The following TRMT2B variants were observed in gnomAD, a reference collection of about 807,000 sequenced individuals.
TRMT2B encodes tRNA methyltransferase 2B.
Under a neutral mutation model 39.7 loss-of-function variants are expected in TRMT2B, and 34 were observed. That is an observed-to-expected ratio of 0.86 (90% CI 0.65 to 1.14). The LOEUF is 1.14. TRMT2B is among the 50% of genes most tolerant of loss of function. The probability of loss-of-function intolerance (pLI) is 0.00; values close to 1 mark genes in which losing one functional copy is unlikely to be tolerated. For missense variants in TRMT2B, 318 were observed against 377.2 expected (o/e 0.84, Z 1.30); for synonymous variants, 132 against 137.3 (o/e 0.96, Z 0.27).
intron 3 of TRMT2B, 62 bp from the exon 4 acceptor site, chrX:101,041,433 G>A: frequency 9.7e-7 from 1 of 1,036,040 alleles, no homozygotes; most frequent in Non-Finnish European, 1.3e-6. Context: ...TGCCTACTAT[G>A]CATAAGTACT....
downstream of TRMT2B, among the ~76,000 whole-genome samples, chrX:101,006,718 C>T (rs1207682849): frequency 2.7e-5 from 3 of 109,506 alleles, no homozygotes; most frequent in African/African-American, 1.0e-4. Context: ...TAGGAGGATC[C>T]CTTGAGCCCC....
chrX:100,993,245 C>T, the TRMT2B span, among the ~76,000 whole-genome samples: 1 of 112,008 alleles, frequency 8.9e-6, no homozygotes, highest in Non-Finnish European at 1.9e-5. Context: ...AAATCCAGAT[C>T]TCATGTGCCC....
chrX:100,979,620 T>C, the TRMT2B span, among the ~76,000 whole-genome samples: 11 of 111,822 alleles, frequency 9.8e-5, no homozygotes, highest in Non-Finnish European at 2.1e-4. Flanking sequence ...ATTATTTAGC[T>C]CTTTTAGTGA....
At chrX:101,025,504 CA>C (rs2087021463) in intron 7 of TRMT2B, among the ~76,000 whole-genome samples, 1 of 111,622 alleles carries the variant, frequency 9.0e-6, no homozygotes, top group African/African-American at 3.3e-5. Context: ...AAACAAACCA[CA>C]AATTATGTAG....
chrX:101,015,857 G>A (rs759821553), intron 13 of TRMT2B, among the ~76,000 whole-genome samples: 114 of 111,229 alleles, frequency 1.0e-3, no homozygotes, highest in Non-Finnish European at 1.3e-3. Flanking sequence ...ATCATCTGAC[G>A]TCAGGAGTTT....
chrX:100,998,259 C>CA, the TRMT2B span, among the ~76,000 whole-genome samples: 11,707 of 48,417 alleles, frequency 0.24, 1,167 homozygotes, highest in African/African-American at 0.32. Flanking sequence ...GACTCCATCT[C>CA]AAAAAAAAAA....
At chrX:100,987,436 C>T in the TRMT2B span, 2 of 1,211,082 alleles carry the variant, frequency 1.7e-6, no homozygotes, top group East Asian at 3.0e-5. Flanking sequence ...AACCATCAGC[C>T]CATAGTTGAA....
the TRMT2B span, among the ~76,000 whole-genome samples, chrX:100,999,596 G>A: frequency 8.9e-6 from 1 of 112,031 alleles, no homozygotes; most frequent in Admixed American, 9.5e-5. Context: ...GGGAATCACC[G>A]GGGAAATTTT....
At chrX:101,045,040 A>AG (rs1309619935) in intron 2 of TRMT2B, among the ~76,000 whole-genome samples, 37 of 90,750 alleles carry the variant, frequency 4.1e-4, no homozygotes, top group African/African-American at 1.1e-3. Flanking sequence ...CAAAAAAAAA[A>AG]GGGGGGGGTG....
chrX:101,023,514 G>A lies in TRMT2B; in HGVS notation c.712C>T (p.His238Tyr), dbSNP rs2086897341. The part of the protein sequence containing the change: ...ELTVRTNSQG[H>Y]TMAIITFHPQ... Reference sequence around the variant, plus strand: ...TGGAAAGTGATGATAGCCATTGTGTGCCCTTGGCTATTGGTGCGGACTGTG... The same window carrying A: ...TGGAAAGTGATGATAGCCATTGTGTACCCTTGGCTATTGGTGCGGACTGTG... The change falls in exon 8 of 14, where the codon CAC becomes TAC. Residue 238 changes from histidine (H) to tyrosine (Y), a missense_variant. Physicochemically the swap from His to Tyr is moderately conservative, Grantham distance 83. Coordinates refer to ENST00000372936, the MANE Select transcript of TRMT2B (RefSeq NM_024917.6). The A allele has an allele frequency of 8.3e-7, 1 of 1,208,227 alleles. No individual in the cohort carries two copies. Among genetic ancestry groups the A allele is most frequent in the Admixed American group, 2.2e-5 (1 of 45,656 alleles).
Position 101,051,320 on chromosome X carries a change from C to G in TRMT2B, c.-93G>C. 1 of 754,260 alleles carries G rather than the reference C, an allele frequency of 1.3e-6. No homozygotes were observed. 62.2% of individuals were successfully genotyped at this position (754,260 alleles called of 1,213,427 possible). On this transcript the variant is annotated 5_prime_UTR_variant, in exon 2 of 14. Coordinates refer to ENST00000372936, the MANE Select transcript of TRMT2B (RefSeq NM_024917.6). ...CCGACAAGGGTCCTGCTTGCACTCT[C>G]TGCTCACCCTTCCTTCAGCTGGACC...
chrX:101,012,518 T>C (rs1027993253), intron 13 of TRMT2B, among the ~76,000 whole-genome samples: 4 of 86,797 alleles, frequency 4.6e-5, no homozygotes, highest in African/African-American at 1.8e-4. Flanking sequence ...GTCCCCTTCC[T>C]GTGTCCATGT....
intron 13 of TRMT2B, among the ~76,000 whole-genome samples, chrX:101,013,480 G>A (rs1436007704): frequency 2.7e-5 from 3 of 110,672 alleles, no homozygotes; most frequent in Non-Finnish European, 3.8e-5. Flanking sequence ...GGCTGGGTGC[G>A]GTGGCTCACA....
At chrX:100,993,129 C>T in the TRMT2B span, among the ~76,000 whole-genome samples, 1 of 111,934 alleles carries the variant, frequency 8.9e-6, no homozygotes, top group Non-Finnish European at 1.9e-5. Context: ...CTTACAGAGC[C>T]TCTGGTCCAA....
In TRMT2B at chrX:101,019,066, G is replaced by A; in HGVS notation, c.1293C>T (p.Tyr431=). Residue 431 remains tyrosine (Y), a synonymous_variant, in exon 13 of 14, where the codon TAC becomes TAT. Transcript: ENST00000372936. The part of the protein sequence containing the change: ...VVNPARAGLH[Y]KVIQAIRNFR... Reference sequence around the variant, plus strand: ...AGTTTCGAATGGCTTGAATCACCTTGTAATCTGAAGGAAGAAACACCTTGC... The same window carrying A: ...AGTTTCGAATGGCTTGAATCACCTTATAATCTGAAGGAAGAAACACCTTGC... 8.4e-7 allele frequency: 1 copy of A among 1,190,641 alleles called. No homozygotes were observed. Among genetic ancestry groups the A allele is most frequent in the Non-Finnish European group, 1.1e-6 (1 of 876,538 alleles).
intron 2 of TRMT2B, among the ~76,000 whole-genome samples, chrX:101,046,701 C>T (rs1177520673): frequency 1.8e-5 from 2 of 108,434 alleles, no homozygotes; most frequent in Non-Finnish European, 3.8e-5. Flanking sequence ...CCGAGGCAGG[C>T]GGATCACCTG....
downstream of TRMT2B, among the ~76,000 whole-genome samples, chrX:101,006,451 T>C (rs139982373): frequency 7.8e-4 from 86 of 110,216 alleles, no homozygotes; most frequent in Non-Finnish European, 9.1e-4. Context: ...GCTTAGAAGA[T>C]AGATGTATAA....
At chrX:101,037,233 G>A in intron 5 of TRMT2B, 160 bp from the exon 6 acceptor site, 2 of 437,074 alleles carry the variant, frequency 4.6e-6, no homozygotes, top group Non-Finnish European at 8.0e-6. Flanking sequence ...GATCAAGACA[G>A]TCCATAGAAG....
the TRMT2B span, among the ~76,000 whole-genome samples, chrX:100,977,468 C>T: frequency 1.1e-4 from 11 of 104,195 alleles, no homozygotes; most frequent in African/African-American, 3.5e-4. Context: ...GCAACCTCCA[C>T]CTCCTGGGTT....
Sources: allele counts gnomAD v4.1 joint callset (sites outside exome capture counted in the v4.1 genomes callset), GRCh38; gene constraint gnomAD v4.1.1; transcripts MANE v1.5; gene names NCBI Gene and HGNC (gene_info 2026-07-23, HGNC 2026-07-21).